The following BANK1 variants were observed in gnomAD, a reference collection of about 807,000 sequenced individuals.
BANK1 encodes B-cell scaffold protein with ankyrin repeats.
In BANK1, 95 loss-of-function variants were observed where a neutral mutation model predicts 94.5. The ratio of observed to expected loss-of-function variants is 1.00; its 90% CI spans 0.85 to 1.19. The LOEUF is 1.19. Ranked by LOEUF, BANK1 falls within the 50% of genes most tolerant of loss-of-function variation. The pLI, the probability that BANK1 is intolerant of heterozygous loss-of-function variation, is 0.00. For synonymous variants in BANK1, 334 were observed against 308.4 expected (o/e 1.08, Z -0.87); for missense variants, 987 against 932.2 (o/e 1.06, Z -0.77).
chr4:101,972,473 A>G (rs1246179144), intron 7 of BANK1: 2 of 152,052 alleles, frequency 1.3e-5, no homozygotes, highest in African/African-American at 4.8e-5. Context: ...ATATACTAAC[A>G]CCTGAGCCCT....
At chr4:101,941,463 A>G (rs1578411153) in intron 7 of BANK1, among the ~76,000 whole-genome samples, 2 of 151,892 alleles carry the variant, frequency 1.3e-5, no homozygotes, top group East Asian at 2.0e-4. Context: ...ATGGAGGTCA[A>G]CCTCAGGCTT....
intron 2 of BANK1, among the ~76,000 whole-genome samples, chr4:101,838,828 A>C (rs995493666): frequency 2.6e-5 from 4 of 152,208 alleles, no homozygotes; most frequent in African/African-American, 9.6e-5. Flanking sequence ...TTATTTTTCA[A>C]GACAGACACT....
chr4:101,809,457 A>G (rs2148853695), intron 1 of BANK1, among the ~76,000 whole-genome samples: 1 of 152,264 alleles, frequency 6.6e-6, no homozygotes, highest in Non-Finnish European at 1.5e-5. Flanking sequence ...GTAACCAAAA[A>G]CTACCTGTTC....
chr4:101,841,643 A>T (rs992481797), intron 2 of BANK1, among the ~76,000 whole-genome samples: 1 of 145,772 alleles, frequency 6.9e-6, no homozygotes, highest in Admixed American at 6.9e-5. Flanking sequence ...TTATTATTAT[A>T]CTTTAAGTTT....
At chr4:101,816,727 A>G (rs1725931941) in intron 1 of BANK1, among the ~76,000 whole-genome samples, 1 of 151,992 alleles carries the variant, frequency 6.6e-6, no homozygotes, top group Admixed American at 6.6e-5. Flanking sequence ...TTTTGTATAT[A>G]TCATACTTTT....
intron 7 of BANK1, among the ~76,000 whole-genome samples, chr4:102,013,599 C>T (rs978463246): frequency 5.9e-5 from 9 of 151,926 alleles, no homozygotes; most frequent in African/African-American, 1.9e-4. Context: ...TCAAATGGTC[C>T]ACTATTGACC....
At chr4:101,810,645 A>G (rs1242936829) in intron 1 of BANK1, among the ~76,000 whole-genome samples, 1 of 152,158 alleles carries the variant, frequency 6.6e-6, no homozygotes, top group Non-Finnish European at 1.5e-5. Context: ...ATTATTGTTT[A>G]TTTACAATCA....
intron 2 of BANK1, among the ~76,000 whole-genome samples, chr4:101,849,104 G>A (rs1457686795): frequency 6.6e-6 from 1 of 152,150 alleles, no homozygotes; most frequent in Non-Finnish European, 1.5e-5. Context: ...GTGTACTGAA[G>A]GCAATACCAG....
intron 2 of BANK1, among the ~76,000 whole-genome samples, chr4:101,851,452 G>A (rs1383971236): frequency 6.6e-6 from 1 of 152,180 alleles, no homozygotes; most frequent in Non-Finnish European, 1.5e-5. Flanking sequence ...GTATGCACTA[G>A]AGATATAGAG....
At chr4:101,972,837 A>G (rs1725000891) in intron 7 of BANK1, 1 of 152,146 alleles carries the variant, frequency 6.6e-6, no homozygotes, top group South Asian at 2.1e-4. Flanking sequence ...CCAGCAATGG[A>G]CTGATAATTA....
At chr4:102,051,750 T>G (rs1292781762) in intron 11 of BANK1, among the ~76,000 whole-genome samples, 1 of 152,140 alleles carries the variant, frequency 6.6e-6, no homozygotes, top group African/African-American at 2.4e-5. Context: ...CTCTGATCTT[T>G]CCATATACAT....
intron 5 of BANK1, 24 bp from the exon 6 acceptor site, chr4:101,895,281 A>T: frequency 7.1e-7 from 1 of 1,407,996 alleles, no homozygotes. Flanking sequence ...CCTAGTGAAA[A>T]TTTTCTTTTT....
intron 6 of BANK1, among the ~76,000 whole-genome samples, chr4:101,915,811 C>A (rs1257034760): frequency 1.3e-5 from 2 of 151,994 alleles, no homozygotes; most frequent in South Asian, 2.1e-4. Flanking sequence ...ATAACCTTGG[C>A]AGCATTTTTT....
At chr4:101,984,931 A>G (rs1049622893) in intron 7 of BANK1, among the ~76,000 whole-genome samples, 4 of 152,134 alleles carry the variant, frequency 2.6e-5, no homozygotes, top group African/African-American at 9.7e-5. Flanking sequence ...GATCCTATGA[A>G]GAGTGGAGCA....
chr4:102,004,435 T>G (rs2148938084), intron 7 of BANK1, among the ~76,000 whole-genome samples: 1 of 152,308 alleles, frequency 6.6e-6, no homozygotes, highest in South Asian at 2.1e-4. Context: ...GCATTTCCAA[T>G]CACGTCAAAA....
At chr4:101,935,637 T>G (rs561884212) in intron 7 of BANK1, among the ~76,000 whole-genome samples, 1 of 151,638 alleles carries the variant, frequency 6.6e-6, no homozygotes, top group East Asian at 1.9e-4. Context: ...CCGTAATTGA[T>G]AGAATCTGTC....
chr4:101,838,622 CTTA>C (rs1459703473), intron 2 of BANK1, among the ~76,000 whole-genome samples: 1 of 152,124 alleles, frequency 6.6e-6, no homozygotes, highest in Admixed American at 6.5e-5. Context: ...TTTACTGTCT[CTTA>C]TTATAAAATA....
Position 101,895,392 on chromosome 4 carries a change from A to G in BANK1, c.991A>G (p.Ile331Val), listed in dbSNP as rs892980688. ...YYEFQSLQTE[I>V]CSQNKYTHFK... Reference sequence around the variant, plus strand: ...TGAGTTCCAGTCTCTTCAAACTGAAATTTGTTCTCAAAACAAATGTGAGTA... The same window carrying G: ...TGAGTTCCAGTCTCTTCAAACTGAAGTTTGTTCTCAAAACAAATGTGAGTA... The change falls in exon 6 of 17, where the codon ATT becomes GTT. Residue 331 changes from isoleucine to valine, a missense_variant. Physicochemically the swap from Ile to Val is conservative, Grantham distance 29. Coordinates refer to ENST00000322953, the MANE Select transcript of BANK1 (RefSeq NM_017935.5). The G allele has an allele frequency of 2.5e-6, 4 of 1,582,444 alleles. No individual in the cohort carries two copies. Among genetic ancestry groups the G allele is most frequent in the Admixed American group, 3.5e-5 (2 of 57,484 alleles).
chr4:101,918,600 C>T (rs1722906148), intron 7 of BANK1, among the ~76,000 whole-genome samples: 1 of 151,916 alleles, frequency 6.6e-6, no homozygotes, highest in African/African-American at 2.4e-5. Context: ...TTTCCATAAT[C>T]ATGTTTAGAA....
Sources: allele counts gnomAD v4.1 joint callset (sites outside exome capture counted in the v4.1 genomes callset), GRCh38; gene constraint gnomAD v4.1.1; transcripts MANE v1.5; gene names NCBI Gene and HGNC (gene_info 2026-07-23, HGNC 2026-07-21).